IPCEF1: variants seen among roughly 807,000 people sequenced by gnomAD.
IPCEF1 encodes the protein interactor protein for cytohesin exchange factors 1.
A neutral mutation model predicts 50.9 loss-of-function variants in IPCEF1; 31 were observed. That is an observed-to-expected ratio of 0.61 (90% CI 0.46 to 0.82). The LOEUF is 0.82. Among genes scored for constraint, IPCEF1 ranks in the 40% least tolerant of loss-of-function variants. The pLI, the probability that IPCEF1 is intolerant of heterozygous loss-of-function variation, is 0.00. For synonymous variants in IPCEF1, 181 were observed against 192.0 expected (o/e 0.94, Z 0.47); for missense variants, 458 against 514.0 (o/e 0.89, Z 1.05).
At chr6:154,239,724 G>A (rs1309266819) in intron 5 of IPCEF1, among the ~76,000 whole-genome samples, 2 of 151,790 alleles carry the variant, frequency 1.3e-5, no homozygotes, top group East Asian at 3.9e-4. Flanking sequence ...TTTTTTTTGA[G>A]ACGCAGTCTC....
rs188639351 is a variant in IPCEF1 at position 154,289,695 on chromosome 6, G to A, written c.-18+18C>T. On this transcript the variant is annotated intron_variant, in intron 2 of 11. Coordinates refer to ENST00000367220, the MANE Select transcript of IPCEF1 (RefSeq NM_001130700.2). The stretch of plus-strand genomic sequence containing the variant: ...CTAAAGAGAAAGAATTCGTTGCAAA[G>A]AATTTTCAATTACATACCAAAAAGT... The A allele has an allele frequency of 6.9e-6, 1 of 144,160 alleles. No homozygotes were observed. Among genetic ancestry groups the A allele is most frequent in the African/African-American group, 2.6e-5 (1 of 38,784 alleles). The allele number at this position is 144,160 out of a possible 1,614,324, so 8.9% of individuals were successfully genotyped here. A position where few individuals can be genotyped will look rare whatever the true frequency, so the allele number is the denominator to read the frequency against.
intron 5 of IPCEF1, among the ~76,000 whole-genome samples, chr6:154,227,145 A>T (rs1340029166): frequency 6.6e-6 from 1 of 152,166 alleles, no homozygotes; most frequent in African/African-American, 2.4e-5. Flanking sequence ...CAGAGGTTGC[A>T]GTGAGCCAAG....
intron 10 of IPCEF1, among the ~76,000 whole-genome samples, chr6:154,188,510 G>T (rs1366083915): frequency 6.6e-6 from 1 of 152,250 alleles, no homozygotes; most frequent in African/African-American, 2.4e-5. Flanking sequence ...GCATGTGTGT[G>T]TATGTGTGGG....
At chr6:154,239,415 C>T (rs1234633719) in intron 5 of IPCEF1, among the ~76,000 whole-genome samples, 4 of 152,168 alleles carry the variant, frequency 2.6e-5, no homozygotes, top group Admixed American at 2.6e-4. Context: ...TTCATTTCCA[C>T]ACATGTGAAA....
At chr6:154,285,516 GA>G (rs1782337515) in intron 2 of IPCEF1, among the ~76,000 whole-genome samples, 1 of 151,914 alleles carries the variant, frequency 6.6e-6, no homozygotes, top group Non-Finnish European at 1.5e-5. Context: ...TATTAACCAG[GA>G]AAACAATAGC....
chr6:154,233,771 T>C, intron 5 of IPCEF1, among the ~76,000 whole-genome samples: 1 of 152,150 alleles, frequency 6.6e-6, no homozygotes, highest in East Asian at 1.9e-4. Flanking sequence ...CTGGCAAGAC[T>C]TCCTGCCACC....
At chr6:154,213,743 C>T (rs937418949) in intron 8 of IPCEF1, among the ~76,000 whole-genome samples, 3 of 152,098 alleles carry the variant, frequency 2.0e-5, no homozygotes, top group East Asian at 1.9e-4. Context: ...CTGAAAGCTA[C>T]CGACTGAGCT....
chr6:154,249,316 C>T (rs975350024), intron 3 of IPCEF1, among the ~76,000 whole-genome samples: 4 of 152,114 alleles, frequency 2.6e-5, no homozygotes, highest in African/African-American at 9.7e-5. Context: ...TAAAACCCAA[C>T]TAGTACCTAT....
chr6:154,282,174 T>TA (rs113811569), intron 2 of IPCEF1, among the ~76,000 whole-genome samples: 6,141 of 151,558 alleles, frequency 0.041, 406 homozygotes, highest in African/African-American at 0.14. Context: ...GTCTCAAAAT[T>TA]AAAAAATAAA....
At chr6:154,276,457 T>G (rs1046470738) in intron 2 of IPCEF1, among the ~76,000 whole-genome samples, 3 of 152,176 alleles carry the variant, frequency 2.0e-5, no homozygotes, top group Non-Finnish European at 4.4e-5. Flanking sequence ...TTGCCCAGAA[T>G]AGAGTGACTT....
At chr6:154,313,859 T>A (rs1583979002) in intron 1 of IPCEF1, among the ~76,000 whole-genome samples, 4 of 152,104 alleles carry the variant, frequency 2.6e-5, no homozygotes, top group African/African-American at 9.7e-5. Context: ...TCCTCCCTTC[T>A]CAGCCTCCCA....
intron 10 of IPCEF1, among the ~76,000 whole-genome samples, chr6:154,172,006 A>AGAATGG (rs1352980035): frequency 3.3e-5 from 5 of 152,264 alleles, no homozygotes; most frequent in African/African-American, 1.2e-4. Flanking sequence ...AAAGATAAAT[A>AGAATGG]GAATGGTTTC....
At chr6:154,233,838 C>T (rs1277534038) in intron 5 of IPCEF1, among the ~76,000 whole-genome samples, 2 of 152,172 alleles carry the variant, frequency 1.3e-5, no homozygotes, top group Non-Finnish European at 2.9e-5. Context: ...CACTCTTTCA[C>T]CTGTGCAGAG....
At chr6:154,318,924 G>A (rs572019618) in intron 1 of IPCEF1, among the ~76,000 whole-genome samples, 1 of 152,188 alleles carries the variant, frequency 6.6e-6, no homozygotes, top group East Asian at 1.9e-4. Flanking sequence ...TCAACAAGGG[G>A]AACTTTCAAG....
chr6:154,223,311 T>C (rs1295957860), intron 5 of IPCEF1, 68 bp from the exon 6 acceptor site: 1 of 1,187,018 alleles, frequency 8.4e-7, no homozygotes, highest in African/African-American at 1.5e-5. Context: ...ATTGAGATCA[T>C]ATACATGGAA....
chr6:154,219,244 G>A (rs531134258), intron 7 of IPCEF1: 1 of 152,312 alleles, frequency 6.6e-6, no homozygotes, highest in Admixed American at 6.5e-5. Flanking sequence ...TGTAGGAGGA[G>A]AAATTCACTA....
intron 2 of IPCEF1, among the ~76,000 whole-genome samples, chr6:154,288,676 C>CAAA (rs558703057): frequency 3.4e-4 from 16 of 46,880 alleles, no homozygotes; most frequent in African/African-American, 1.0e-3. Flanking sequence ...ACAAAAAAAA[C>CAAA]AAAAAAAAAA....
intron 1 of IPCEF1, among the ~76,000 whole-genome samples, chr6:154,328,555 C>T (rs117315178): frequency 6.6e-6 from 1 of 150,536 alleles, no homozygotes; most frequent in African/African-American, 2.5e-5. Context: ...GCCTCGGCAA[C>T]ATAGCAAGAC....
In IPCEF1 at chr6:154,294,185, G is replaced by C. The variant is rs181303917; in HGVS notation, c.-61-4429C>G. The stretch of plus-strand genomic sequence containing the variant: ...GGGCCCAATTCTTTTATTCAACTTT[G>C]AGACACAATTATTTTTAAAACTTTG... On this transcript the variant is annotated intron_variant, in intron 1 of 11. Transcript: ENST00000367220. 3.5e-3 allele frequency among the ~76,000 whole-genome samples: 530 copies of C among 152,242 alleles called. 2 individuals carry two copies. The highest frequency in any genetic ancestry group is 0.012 in the African/African-American group (489 of 41,546).
Sources: allele counts gnomAD v4.1 joint callset (sites outside exome capture counted in the v4.1 genomes callset), GRCh38; gene constraint gnomAD v4.1.1; transcripts MANE v1.5; gene names NCBI Gene and HGNC (gene_info 2026-07-23, HGNC 2026-07-21).